FNDC3B: variants seen among roughly 807,000 people sequenced by gnomAD.
FNDC3B encodes fibronectin type III domain containing 3B.
FNDC3B carries 12 observed loss-of-function variants against 151.5 expected under a neutral mutation model. That is an observed-to-expected ratio of 0.08 (90% CI 0.05 to 0.13). FNDC3B has a LOEUF of 0.13. FNDC3B is among the 10% of genes least tolerant of loss of function. The probability of loss-of-function intolerance (pLI) is 1.00; values close to 1 mark genes in which losing one functional copy is unlikely to be tolerated. For missense variants in FNDC3B, 1,214 were observed against 1,505.3 expected (o/e 0.81, Z 3.20); for synonymous variants, 528 against 549.0 (o/e 0.96, Z 0.54).
intron 3 of FNDC3B, among the ~76,000 whole-genome samples, chr3:172,146,072 C>T (rs1329817966): frequency 6.6e-6 from 1 of 152,132 alleles, no homozygotes. Flanking sequence ...CTCGGCCTCC[C>T]AGAGTGCTGG....
At chr3:172,049,521 C>T (rs1716534164) in intron 1 of FNDC3B, among the ~76,000 whole-genome samples, 1 of 152,070 alleles carries the variant, frequency 6.6e-6, no homozygotes, top group Non-Finnish European at 1.5e-5. Flanking sequence ...AACCTTTAAA[C>T]ATTGTTTTTT....
rs73041136 is a variant in FNDC3B at position 172,153,913 on chromosome 3, G to T, written c.187+20367G>T. Among the ~76,000 whole-genome samples, 1,099 of 152,242 alleles carry T rather than the reference G, an allele frequency of 7.2e-3. 11 individuals are homozygous for T. Among genetic ancestry groups the T allele is most frequent in the African/African-American group, 0.025 (1,033 of 41,546 alleles). On this transcript the variant is annotated intron_variant, in intron 3 of 25. Transcript: ENST00000415807. ...AAAGAAACAAAAACCTAAACCAAAA[G>T]ACTAGAGTTTGTGTCTTGGTGGAAA...
chr3:172,350,452 C>T (rs181124723), intron 21 of FNDC3B, among the ~76,000 whole-genome samples: 1 of 152,056 alleles, frequency 6.6e-6, no homozygotes, highest in Non-Finnish European at 1.5e-5. Context: ...ATTTTTCTGC[C>T]CCTGTGATAC....
chr3:172,394,205 A>C (rs907741072), intron 25 of FNDC3B, among the ~76,000 whole-genome samples: 7 of 151,398 alleles, frequency 4.6e-5, no homozygotes, highest in Non-Finnish European at 1.0e-4. Flanking sequence ...AAAGCAAGAG[A>C]GATCCCAACG....
At chr3:172,284,619 C>T (rs1729912457) in intron 6 of FNDC3B, among the ~76,000 whole-genome samples, 1 of 151,274 alleles carries the variant, frequency 6.6e-6, no homozygotes, top group South Asian at 2.1e-4. Flanking sequence ...CAGAGCTGGG[C>T]GTATTAACCC....
intron 3 of FNDC3B, among the ~76,000 whole-genome samples, chr3:172,174,590 CTT>C (rs1287444222): frequency 2.0e-5 from 3 of 152,118 alleles, no homozygotes; most frequent in African/African-American, 4.8e-5. Flanking sequence ...ATTTGAAAGA[CTT>C]TTAGAAAGAG....
At chr3:172,060,168 C>T (rs1440413077) in intron 1 of FNDC3B, among the ~76,000 whole-genome samples, 1 of 152,130 alleles carries the variant, frequency 6.6e-6, no homozygotes, top group Non-Finnish European at 1.5e-5. Flanking sequence ...TGACAATTCT[C>T]AAATACTATC....
chr3:172,078,704 G>A (rs1718140567), intron 1 of FNDC3B, among the ~76,000 whole-genome samples: 1 of 152,168 alleles, frequency 6.6e-6, no homozygotes, highest in East Asian at 1.9e-4. Flanking sequence ...GTGGTACTTT[G>A]GTTGAGGGCA....
At chr3:172,194,461 G>T (rs1359278007) in intron 3 of FNDC3B, among the ~76,000 whole-genome samples, 1 of 152,050 alleles carries the variant, frequency 6.6e-6, no homozygotes, top group Non-Finnish European at 1.5e-5. Context: ...AAAATCCTTC[G>T]TACTCACTCC....
chr3:172,159,495 C>T (rs1257675712), intron 3 of FNDC3B, among the ~76,000 whole-genome samples: 2 of 152,146 alleles, frequency 1.3e-5, no homozygotes, highest in African/African-American at 4.8e-5. Context: ...AGAGAGATGC[C>T]AGCTCTCCGT....
chr3:172,372,101 C>T (rs12637807), intron 23 of FNDC3B, among the ~76,000 whole-genome samples: 17,547 of 152,220 alleles, frequency 0.12, 1,954 homozygotes, highest in East Asian at 0.56. Context: ...TTATAGAACG[C>T]ACCATTACCA....
At chr3:172,221,739 A>T (rs535424854) in intron 3 of FNDC3B, among the ~76,000 whole-genome samples, 21 of 152,228 alleles carry the variant, frequency 1.4e-4, no homozygotes, top group Admixed American at 5.2e-4. Flanking sequence ...ATTATCTCTT[A>T]GCTTGTGTAA....
intron 3 of FNDC3B, among the ~76,000 whole-genome samples, chr3:172,157,888 C>T (rs1340732341): frequency 1.3e-5 from 2 of 152,166 alleles, no homozygotes; most frequent in Non-Finnish European, 2.9e-5. Context: ...TAGGTTAAAA[C>T]TTAACCTCCA....
At chr3:172,135,913 C>T (rs906389210) in intron 3 of FNDC3B, among the ~76,000 whole-genome samples, 4 of 152,184 alleles carry the variant, frequency 2.6e-5, no homozygotes, top group African/African-American at 9.7e-5. Flanking sequence ...TTTGTAAATT[C>T]CAACACAAGT....
At chr3:172,045,422 G>T (rs1421247635) in intron 1 of FNDC3B, among the ~76,000 whole-genome samples, 1 of 152,108 alleles carries the variant, frequency 6.6e-6, no homozygotes, top group Non-Finnish European at 1.5e-5. Context: ...TTTTGAGGTG[G>T]CGGGAAAAAG....
intron 2 of FNDC3B, among the ~76,000 whole-genome samples, chr3:172,114,300 A>G (rs1405545710): frequency 6.6e-6 from 1 of 152,162 alleles, no homozygotes; most frequent in African/African-American, 2.4e-5. Context: ...TCTCCCAATT[A>G]AAAGAATTAC....
At position 172,274,119 on chromosome 3, in the gene FNDC3B, A is replaced by G. The variant is rs1383837100; in HGVS notation, c.791-11807A>G. On this transcript the variant is annotated intron_variant, in intron 6 of 25. Coordinates refer to ENST00000415807, the MANE Select transcript of FNDC3B (RefSeq NM_022763.4). ...ACATATTACCGATGCTTTGGCATGA[A>G]GTAATCTGGAGAATTATTATAGGAT... Among the ~76,000 whole-genome samples the G allele has an allele frequency of 2.0e-5, 3 of 152,178 alleles. No homozygotes were observed. The East Asian group carries it at 5.8e-4, about 29-fold the overall frequency.
chr3:172,195,034 C>A (rs1421624924), intron 3 of FNDC3B, among the ~76,000 whole-genome samples: 1 of 152,096 alleles, frequency 6.6e-6, no homozygotes, highest in Non-Finnish European at 1.5e-5. Context: ...AGAAATAAAT[C>A]TAAGTCTGTA....
intron 1 of FNDC3B, among the ~76,000 whole-genome samples, chr3:172,091,909 T>TGTGTGTG (rs71178259): frequency 1.2e-4 from 18 of 148,492 alleles, no homozygotes; most frequent in South Asian, 4.3e-4. Context: ...TGTGTGTGTG[T>TGTGTGTG]TAGGGAGGTG....
Sources: gnomAD v4.1 joint callset for allele counts (sites outside exome capture counted in the v4.1 genomes callset) on GRCh38, gnomAD v4.1.1 for gene constraint, MANE v1.5 for transcripts, NCBI Gene and HGNC (gene_info 2026-07-23, HGNC 2026-07-21) for gene names.